The following TESK2 variants were observed in gnomAD, a reference collection of about 807,000 sequenced individuals.
TESK2 encodes testis associated actin remodelling kinase 2.
Under a neutral mutation model 57.1 loss-of-function variants are expected in TESK2, and 39 were observed. The observed-to-expected ratio is 0.68, with a 90% CI of 0.53 to 0.89. The LOEUF (loss-of-function observed/expected upper bound fraction) is 0.89. TESK2 is among the 40% of genes least tolerant of loss of function. TESK2 has a pLI of 0.00. For missense variants in TESK2, 646 were observed against 732.1 expected (o/e 0.88, Z 1.36); for synonymous variants, 249 against 267.9 (o/e 0.93, Z 0.69).
chr1:45,354,090 T>G (rs1320659264), intron 5 of TESK2, among the ~76,000 whole-genome samples: 1 of 152,254 alleles, frequency 6.6e-6, no homozygotes, highest in African/African-American at 2.4e-5. Flanking sequence ...GCCCCTATAC[T>G]GCCTTGACTG....
intron 1 of TESK2, among the ~76,000 whole-genome samples, chr1:45,483,054 C>T (rs1653298130): frequency 6.6e-6 from 1 of 151,044 alleles, no homozygotes; most frequent in Non-Finnish European, 1.5e-5. Flanking sequence ...CTGAGGCGGG[C>T]AGATCACAAG....
chr1:45,345,816 G>A lies in TESK2; in HGVS notation c.997+61C>T, dbSNP rs1307384534. ...GGCAATCACAACCCTAAGAGGAGAA[G>A]GCCCCACATCCGAATTTCCTCCCTT... On this transcript the variant is annotated intron_variant, in intron 10 of 10. Transcript: ENST00000372086. The A allele has an allele frequency of 3.7e-6, 5 of 1,342,300 alleles. No individual in the cohort carries two copies. In the East Asian group the frequency reaches 6.9e-5, roughly 18 times the overall value. 83.1% of individuals were successfully genotyped at this position (1,342,300 alleles called of 1,614,324 possible).
intron 4 of TESK2, among the ~76,000 whole-genome samples, chr1:45,357,245 ATG>A (rs1405544715): frequency 1.3e-5 from 2 of 151,054 alleles, no homozygotes; most frequent in African/African-American, 4.9e-5. Flanking sequence ...AAATAAATGT[ATG>A]TATGTATGTA....
intron 4 of TESK2, among the ~76,000 whole-genome samples, chr1:45,376,223 T>C: frequency 7.0e-6 from 1 of 142,312 alleles, no homozygotes; most frequent in East Asian, 2.0e-4. Flanking sequence ...CTTTTTTTTT[T>C]TTTTTTTTTT....
chr1:45,456,321 C>G (rs967526765), intron 2 of TESK2, among the ~76,000 whole-genome samples: 1 of 152,016 alleles, frequency 6.6e-6, no homozygotes, highest in Non-Finnish European at 1.5e-5. Flanking sequence ...GAGTTCAAGA[C>G]CAGCCTGGCC....
At chr1:45,410,727 A>G (rs1201070089) in intron 3 of TESK2, among the ~76,000 whole-genome samples, 2 of 151,588 alleles carry the variant, frequency 1.3e-5, no homozygotes, top group Non-Finnish European at 2.9e-5. Context: ...TCAACATTTA[A>G]TTCAATGTGA....
intron 4 of TESK2, among the ~76,000 whole-genome samples, chr1:45,363,242 A>C (rs997810175): frequency 1.3e-5 from 2 of 152,116 alleles, no homozygotes; most frequent in Admixed American, 6.6e-5. Flanking sequence ...AACAGGTAGA[A>C]CCCACTATCA....
At chr1:45,405,424 C>T (rs1649798619) in intron 3 of TESK2, among the ~76,000 whole-genome samples, 1 of 151,886 alleles carries the variant, frequency 6.6e-6, no homozygotes, top group South Asian at 2.1e-4. Context: ...AATTGACAAA[C>T]AAAAAACCTA....
chr1:45,404,974 A>C (rs992665019), intron 3 of TESK2, among the ~76,000 whole-genome samples: 3 of 152,132 alleles, frequency 2.0e-5, no homozygotes, highest in African/African-American at 7.3e-5. Flanking sequence ...AATATATGAT[A>C]CTTCAGATTA....
At chr1:45,419,108 GC>G (rs1272638278) in intron 3 of TESK2, among the ~76,000 whole-genome samples, 4 of 151,908 alleles carry the variant, frequency 2.6e-5, no homozygotes, top group African/African-American at 9.7e-5. Context: ...CTCCCGAGTA[GC>G]TGGGACTACA....
chr1:45,414,402 G>A (rs11808204), intron 3 of TESK2, among the ~76,000 whole-genome samples: 7,562 of 152,114 alleles, frequency 0.05, 670 homozygotes, highest in African/African-American at 0.17. Context: ...TGTGCCAGAG[G>A]CTTTATATAT....
At position 45,385,255 on chromosome 1, in the gene TESK2, G is replaced by T. The variant is rs551869011; in HGVS notation, c.393+657C>A. On this transcript the variant is annotated intron_variant, in intron 4 of 10. Coordinates refer to ENST00000372086, the MANE Select transcript of TESK2 (RefSeq NM_007170.3). ...AGATTCCAGGAATCTGTGTTTCCAA[G>T]GAGCACCCAAGCAAGGTCTGAAGTT... 11 of 827,206 alleles carry T rather than the reference G, an allele frequency of 1.3e-5. No individual in the cohort carries two copies. The South Asian group carries it at 6.1e-4, about 46-fold the overall frequency. The allele number at this position is 827,206 out of a possible 1,614,324, so 51.2% of individuals were successfully genotyped here.
At chr1:45,421,623 T>G in intron 3 of TESK2, 102 bp downstream of exon 3, 1 of 1,494,572 alleles carries the variant, frequency 6.7e-7, no homozygotes, top group South Asian at 1.2e-5. Flanking sequence ...AGATTCAGCA[T>G]GATAAATCCT....
At chr1:45,467,805 A>G (rs1652614563) in intron 1 of TESK2, among the ~76,000 whole-genome samples, 1 of 152,052 alleles carries the variant, frequency 6.6e-6, no homozygotes, top group South Asian at 2.1e-4. Context: ...AGTCCTAGGA[A>G]TATATATATC....
chr1:45,391,740 C>G (rs1320935217), intron 3 of TESK2, among the ~76,000 whole-genome samples: 4 of 152,116 alleles, frequency 2.6e-5, no homozygotes, highest in African/African-American at 9.7e-5. Context: ...TAGCATTAAT[C>G]TCTTCTCTCT....
At chr1:45,480,696 A>G (rs1570775122) in intron 1 of TESK2, among the ~76,000 whole-genome samples, 1 of 151,162 alleles carries the variant, frequency 6.6e-6, no homozygotes, top group Admixed American at 6.6e-5. Context: ...GAATAAATAA[A>G]TAATATATAT....
chr1:45,366,762 T>C (rs1647937009), intron 4 of TESK2, among the ~76,000 whole-genome samples: 1 of 152,196 alleles, frequency 6.6e-6, no homozygotes, highest in Non-Finnish European at 1.5e-5. Context: ...AATTTAATCA[T>C]TAAAATGTAA....
At chr1:45,409,362 A>G (rs993062610) in intron 3 of TESK2, among the ~76,000 whole-genome samples, 42 of 152,224 alleles carry the variant, frequency 2.8e-4, no homozygotes, top group African/African-American at 9.6e-4. Context: ...TGAAGCAGGG[A>G]AAAAAGCTTA....
chr1:45,476,618 T>G (rs563203760), intron 1 of TESK2, among the ~76,000 whole-genome samples: 1 of 150,400 alleles, frequency 6.6e-6, no homozygotes, highest in South Asian at 2.1e-4. Flanking sequence ...GAGGCTAAGG[T>G]GGGAGAATCA....
Sources: allele counts gnomAD v4.1 joint callset (sites outside exome capture counted in the v4.1 genomes callset), GRCh38; gene constraint gnomAD v4.1.1; transcripts MANE v1.5; gene names NCBI Gene and HGNC (gene_info 2026-07-23, HGNC 2026-07-21).